CACNA2D3: variants seen among roughly 807,000 people sequenced by gnomAD.
CACNA2D3 encodes calcium voltage-gated channel auxiliary subunit alpha2delta 3, also known as voltage-dependent calcium channel subunit alpha-2/delta-3.
Under a neutral mutation model 160.6 loss-of-function variants are expected in CACNA2D3, and 60 were observed. The observed-to-expected ratio is 0.37, with a 90% CI of 0.30 to 0.46. The LOEUF is 0.46. Ranked by LOEUF, CACNA2D3 falls within the 20% of genes least tolerant of loss-of-function variation. The probability of loss-of-function intolerance (pLI) is 1.00; values close to 1 mark genes in which losing one functional copy is unlikely to be tolerated. For synonymous variants in CACNA2D3, 558 were observed against 492.9 expected (o/e 1.13, Z -1.75); for missense variants, 1,205 against 1,365.0 (o/e 0.88, Z 1.85).
intron 2 of CACNA2D3, among the ~76,000 whole-genome samples, chr3:54,294,322 A>G (rs181880811): frequency 7.2e-5 from 11 of 152,316 alleles, no homozygotes; most frequent in Admixed American, 7.2e-4. Context: ...CTTGCATAAC[A>G]AATGGGTATG....
Position 54,464,797 on chromosome 3 carries a change from G to C in CACNA2D3, c.382-38695G>C, listed in dbSNP as rs150383931. Among the ~76,000 whole-genome samples, 1,000 of 152,332 alleles carry C rather than the reference G, an allele frequency of 6.6e-3. 9 individuals are homozygous for C. The highest frequency in any genetic ancestry group is 0.023 in the African/African-American group (950 of 41,590). ...CTGCACGCACTGTCCTGCGCCCACT[G>C]TCTGGCACTCCCTAGTGAGATGAAC... On this transcript the variant is annotated intron_variant, in intron 4 of 37. Coordinates refer to ENST00000474759, the MANE Select transcript of CACNA2D3 (RefSeq NM_018398.3).
chr3:54,183,078 T>TC (rs199877627), intron 2 of CACNA2D3, among the ~76,000 whole-genome samples: 89 of 151,094 alleles, frequency 5.9e-4, no homozygotes, highest in African/African-American at 2.0e-3. Flanking sequence ...TTGACCTCAT[T>TC]CCCCCCCCAA....
At chr3:54,554,868 C>CTTTT (rs1248489904) in intron 5 of CACNA2D3, among the ~76,000 whole-genome samples, 2 of 88,172 alleles carry the variant, frequency 2.3e-5, no homozygotes, top group African/African-American at 1.0e-4. Context: ...CTCTCTCACT[C>CTTTT]TCTTTTTTTT....
intron 27 of CACNA2D3, among the ~76,000 whole-genome samples, chr3:54,920,127 C>T (rs1235536337): frequency 6.6e-6 from 1 of 152,198 alleles, no homozygotes; most frequent in African/African-American, 2.4e-5. Flanking sequence ...TTAGTACACA[C>T]AGTAAGTGAA....
chr3:54,388,003 T>C (rs1699218711), intron 4 of CACNA2D3, among the ~76,000 whole-genome samples: 1 of 152,230 alleles, frequency 6.6e-6, no homozygotes, highest in South Asian at 2.1e-4. Context: ...TCTGTGTCTT[T>C]TGCTTTGTGG....
intron 27 of CACNA2D3, chr3:54,918,358 C>CTT: frequency 5.3e-6 from 1 of 186,952 alleles, no homozygotes; most frequent in African/African-American, 6.7e-5. Context: ...TTTTTTTTGT[C>CTT]TTTTGGCAAA....
rs531072496 is a variant in CACNA2D3, at chr3:54,221,512, T to C, written c.204+97918T>C. On this transcript the variant is annotated intron_variant, in intron 2 of 37. Coordinates refer to ENST00000474759, the MANE Select transcript of CACNA2D3 (RefSeq NM_018398.3). Reference sequence around the variant, plus strand: ...GTTCCAAATGTGAACATTACATCTCTAAGAGAGTTAATCCAAATTGAAACC... The same window carrying C: ...GTTCCAAATGTGAACATTACATCTCCAAGAGAGTTAATCCAAATTGAAACC... Among the ~76,000 whole-genome samples the C allele has an allele frequency of 7.8e-4, 118 of 152,238 alleles. 1 individual carries two copies. The highest frequency in any genetic ancestry group is 5.3e-4 in the Non-Finnish European group (36 of 68,044).
Position 54,899,838 on chromosome 3 carries a change from C to G in CACNA2D3, c.2419C>G (p.Leu807Val). Residue 807 changes from leucine (L) to valine (V), a missense_variant, in exon 27 of 38, where the codon CTG becomes GTG. By Grantham distance (32) the Leu-to-Val change is conservative. This residue lies in a region of CACNA2D3 where 911 missense variants were observed against 1,002.2 expected (regional missense o/e 0.91). Transcript: ENST00000474759. ...GACAGCAAGTACATCCATCCAGCTC[C>G]TGGATGAACGGAAATCTCCTGTGGT... ...VVTASTSIQLLDERKSPVVAA... is the reference protein window; with the variant it reads ...VVTASTSIQLVDERKSPVVAA... 3.1e-6 allele frequency: 5 copies of G among 1,607,480 alleles called. No homozygotes were observed. Among genetic ancestry groups the G allele is most frequent in the Non-Finnish European group, 4.2e-6 (5 of 1,176,954 alleles).
chr3:54,853,382 A>G (rs1246641081), intron 17 of CACNA2D3, among the ~76,000 whole-genome samples: 4 of 152,208 alleles, frequency 2.6e-5, no homozygotes, highest in Middle Eastern at 3.2e-3. Context: ...ATATCTGAGT[A>G]CCAGTTTCTT....
In CACNA2D3 at chr3:54,749,560, A is replaced by G. The variant is rs72872301; in HGVS notation, c.1168-3039A>G. 1.2e-3 allele frequency among the ~76,000 whole-genome samples: 183 copies of G among 151,304 alleles called. 1 individual carries two copies. The highest frequency in any genetic ancestry group is 3.9e-3 in the African/African-American group (159 of 41,080). ...TGCCTGAGGGTGGAATTACTGTGTG[A>G]AAAAAAAACCTGCAAATATAAAATG... is the stretch of plus-strand genomic sequence containing the variant. On this transcript the variant is annotated intron_variant, in intron 11 of 37. Coordinates refer to ENST00000474759, the MANE Select transcript of CACNA2D3 (RefSeq NM_018398.3).
intron 2 of CACNA2D3, among the ~76,000 whole-genome samples, chr3:54,212,346 G>C (rs1701390600): frequency 6.6e-6 from 1 of 152,178 alleles, no homozygotes. Context: ...TGAAGTGGTG[G>C]CAGGAGGGAG....
At chr3:54,263,071 G>C (rs975508604) in intron 2 of CACNA2D3, among the ~76,000 whole-genome samples, 4 of 152,148 alleles carry the variant, frequency 2.6e-5, no homozygotes, top group African/African-American at 9.7e-5. Flanking sequence ...TGGTGTGTGT[G>C]TATATACTCA....
intron 2 of CACNA2D3, among the ~76,000 whole-genome samples, chr3:54,216,021 G>A (rs1225273704): frequency 6.6e-6 from 1 of 152,062 alleles, no homozygotes; most frequent in Non-Finnish European, 1.5e-5. Flanking sequence ...TCAGTCCTGT[G>A]TTGGTCCCCC....
In CACNA2D3 at chr3:54,126,215, G is replaced by A. The variant is rs981014656; in HGVS notation, c.204+2621G>A. 3.9e-5 allele frequency among the ~76,000 whole-genome samples: 6 copies of A among 152,226 alleles called. No homozygotes were observed. In the East Asian group the frequency reaches 1.2e-3, roughly 29 times the overall value. On this transcript the variant is annotated intron_variant, in intron 2 of 37. Coordinates refer to ENST00000474759, the MANE Select transcript of CACNA2D3 (RefSeq NM_018398.3). ...TTAGAATGGAAGTTTAGTCATTTTT[G>A]CACTAAAACATACACTTTACAAAGT...
chr3:54,357,426 C>T lies in CACNA2D3; in HGVS notation c.322-29289C>T, dbSNP rs551917509. On this transcript the variant is annotated intron_variant, in intron 3 of 37. Coordinates refer to ENST00000474759, the MANE Select transcript of CACNA2D3 (RefSeq NM_018398.3). ...AATATAAAGTGCTCGACATCAATTG[C>T]TGGTGAGGATGTGAAGCAATAAGAA... 2.0e-5 allele frequency among the ~76,000 whole-genome samples: 3 copies of T among 152,260 alleles called. No individual in the cohort carries two copies. The East Asian group carries it at 5.8e-4, about 29-fold the overall frequency.
rs192204917 is a variant in CACNA2D3 at position 54,841,901 on chromosome 3, C to T, written c.1551+3253C>T. On this transcript the variant is annotated intron_variant, in intron 16 of 37. Coordinates refer to ENST00000474759, the MANE Select transcript of CACNA2D3 (RefSeq NM_018398.3). ...GCCTCCAGGAGAATATGCCTCTGGT[C>T]CAGGGCCCCTTTGGCAAGCCCAAGT... Among the ~76,000 whole-genome samples, 7 of 152,306 alleles carry T rather than the reference C, an allele frequency of 4.6e-5. No individual in the cohort carries two copies. The East Asian group carries it at 1.2e-3, about 25-fold the overall frequency.
Position 54,752,665 on chromosome 3 carries a change from T to C in CACNA2D3, c.1234T>C (p.Cys412Arg). The part of the protein sequence containing the change: ...AFADNLKWMA[C>R]ANKGFFTQIS... ...TGCAGACAATCTAAAGTGGATGGCC[T>C]GTGCCAACAAAGGTGGGTCTTCGCA... is the stretch of plus-strand genomic sequence containing the variant. The change falls in exon 12 of 38, where the codon TGT (cysteine) becomes CGT (arginine). Residue 412 changes from cysteine (C) to arginine (R), a missense_variant. By Grantham distance (180) the Cys-to-Arg change is radical. Transcript: ENST00000474759. 6.2e-7 allele frequency: 1 copy of C among 1,612,452 alleles called. No homozygotes were observed. Among genetic ancestry groups the C allele is most frequent in the Non-Finnish European group, 8.5e-7 (1 of 1,179,202 alleles).
intron 2 of CACNA2D3, among the ~76,000 whole-genome samples, chr3:54,159,562 G>T (rs116168775): frequency 6.6e-6 from 1 of 152,200 alleles, no homozygotes; most frequent in Admixed American, 6.5e-5. Flanking sequence ...ACCTTTCTCC[G>T]GTGCCTCCCG....
At chr3:54,576,408 G>A (rs368187409) in intron 8 of CACNA2D3, among the ~76,000 whole-genome samples, 1 of 152,178 alleles carries the variant, frequency 6.6e-6, no homozygotes, top group African/African-American at 2.4e-5. Flanking sequence ...TCCCCAAAAC[G>A]TTCTGGCCCT....
Sources: gnomAD v4.1 joint callset for allele counts (sites outside exome capture counted in the v4.1 genomes callset) on GRCh38, gnomAD v4.1.1 for gene constraint, gnomAD v4.1.1 regional missense constraint, MANE v1.5 for transcripts, NCBI Gene and HGNC (gene_info 2026-07-23, HGNC 2026-07-21) for gene names.